Variants in CABIN1 observed in about 807,000 individuals in gnomAD.
CABIN1 encodes calcineurin-binding protein cabin-1.
A neutral mutation model predicts 227.7 loss-of-function variants in CABIN1; 133 were observed. The ratio of observed to expected loss-of-function variants is 0.58; its 90% CI spans 0.51 to 0.67. The LOEUF is 0.67. CABIN1 is among the 30% of genes least tolerant of loss of function. CABIN1 has a pLI of 0.00. For missense variants in CABIN1, 2,408 were observed against 2,852.5 expected, an observed-to-expected ratio of 0.84 and a Z score of 3.55; for synonymous variants, 1,086 against 1,155.1, an observed-to-expected ratio of 0.94 and a Z score of 1.21.
intron 12 of CABIN1, among the ~76,000 whole-genome samples, 191 bp from the exon 13 acceptor site, chr22:24,061,756 A>T (rs190902716): frequency 6.6e-6 from 1 of 152,354 alleles, no homozygotes; most frequent in African/African-American, 2.4e-5. Flanking sequence ...TTGTCCCAAC[A>T]TACATCCATG....
At chr22:24,093,686 G>A (rs913501878) in intron 24 of CABIN1, among the ~76,000 whole-genome samples, 7 of 151,880 alleles carry the variant, frequency 4.6e-5, no homozygotes, top group Admixed American at 1.3e-4. Context: ...AGAGACTAGC[G>A]GGCAACATGA....
chr22:24,083,135 T>C, intron 19 of CABIN1, 93 bp from the exon 20 acceptor site: 4 of 1,299,286 alleles, frequency 3.1e-6, no homozygotes, highest in South Asian at 2.4e-5. Flanking sequence ...GTTAAAAGAG[T>C]TGATAGAGTG....
chr22:24,012,487 A>G (rs1361165740), intron 1 of CABIN1, among the ~76,000 whole-genome samples: 1 of 152,176 alleles, frequency 6.6e-6, no homozygotes, highest in Non-Finnish European at 1.5e-5. Flanking sequence ...TCACACAGCC[A>G]GGGCACTGCC....
intron 19 of CABIN1, among the ~76,000 whole-genome samples, chr22:24,076,755 C>A (rs761034100): frequency 3.9e-5 from 6 of 152,142 alleles, no homozygotes; most frequent in Admixed American, 6.5e-5. Context: ...TTAGTGAGAG[C>A]ACATACACTT....
intron 1 of CABIN1, among the ~76,000 whole-genome samples, chr22:24,022,008 A>G (rs1428574727): frequency 2.0e-5 from 3 of 152,202 alleles, no homozygotes; most frequent in Non-Finnish European, 4.4e-5. Flanking sequence ...CTGTCATATC[A>G]TCAGTGTGAA....
chr22:24,060,553 G>A (rs991032960), intron 12 of CABIN1, among the ~76,000 whole-genome samples: 5 of 152,134 alleles, frequency 3.3e-5, no homozygotes, highest in Admixed American at 3.3e-4. Context: ...CTTGCCAGGA[G>A]AAGCTGGAGG....
At chr22:24,035,389 T>G in intron 1 of CABIN1, 55 bp from the exon 2 acceptor site, 2 of 1,264,286 alleles carry the variant, frequency 1.6e-6, no homozygotes, top group Non-Finnish European at 2.3e-6. Flanking sequence ...CTTGGCACTG[T>G]GACCTTCCTG....
intron 15 of CABIN1, among the ~76,000 whole-genome samples, chr22:24,064,523 T>G (rs1049514121): frequency 1.3e-4 from 20 of 149,970 alleles, no homozygotes; most frequent in Non-Finnish European, 2.4e-4. Flanking sequence ...TTTTTTTTTT[T>G]TTTTTTTTTT....
At chr22:24,018,040 A>C (rs558692403) in intron 1 of CABIN1, among the ~76,000 whole-genome samples, 1 of 152,036 alleles carries the variant, frequency 6.6e-6, no homozygotes, top group East Asian at 1.9e-4. Flanking sequence ...TTTTTTGTAG[A>C]GATGGAGTCT....
rs150318881 is a variant in CABIN1 at position 24,167,564 on chromosome 22, G to A, written c.5682+251G>A. ...GGGAGTCTGGACCGCTGCTCCCACC[G>A]CTGCGCTGGGCCTCTGGGTACATCT... On this transcript the variant is annotated intron_variant, in intron 32 of 36. Coordinates refer to ENST00000263119, the MANE Select transcript of CABIN1 (RefSeq NM_012295.4). Among the ~76,000 whole-genome samples the A allele has an allele frequency of 1.1e-3, 162 of 152,366 alleles. No individual in the cohort carries two copies. In the East Asian group the frequency reaches 0.02, roughly 19 times the overall value.
At chr22:24,052,963 T>G (rs1427716291) in intron 8 of CABIN1, among the ~76,000 whole-genome samples, 1 of 151,970 alleles carries the variant, frequency 6.6e-6, no homozygotes, top group Non-Finnish European at 1.5e-5. Context: ...TGTCTAAATG[T>G]AACACTAACT....
chr22:24,118,360 A>C (rs1266834556), intron 27 of CABIN1, among the ~76,000 whole-genome samples: 1 of 152,160 alleles, frequency 6.6e-6, no homozygotes, highest in Non-Finnish European at 1.5e-5. Flanking sequence ...ACCTGGCCAC[A>C]CACCTGATGT....
In CABIN1 at chr22:24,083,308, G is replaced by A; in HGVS notation, c.2829G>A (p.Leu943=). 1.9e-6 allele frequency: 3 copies of A among 1,613,732 alleles called. No individual in the cohort carries two copies. Among genetic ancestry groups the A allele is most frequent in the Non-Finnish European group, 2.5e-6 (3 of 1,180,014 alleles). Residue 943 remains leucine (L), a synonymous_variant, in exon 20 of 37, where the codon TTG becomes TTA. Coordinates refer to ENST00000263119, the MANE Select transcript of CABIN1 (RefSeq NM_012295.4). ...ACAAGGAGGAGCTGGAGACAGCCTT[G>A]GAGCAGTGCTTCTACTGCCTGTACA... is the stretch of plus-strand genomic sequence containing the variant. ...HPYKEELETA[L]EQCFYCLYSF...
intron 18 of CABIN1, among the ~76,000 whole-genome samples, chr22:24,073,079 C>G (rs117767102): frequency 1.0e-3 from 154 of 152,224 alleles, no homozygotes; most frequent in African/African-American, 3.6e-3. Flanking sequence ...ATGGTGGGTG[C>G]TGAGTGATGA....
At chr22:24,042,817 A>AGTGTGTGTGTGTGTGTGT (rs1601747692) in intron 5 of CABIN1, 87 bp from the exon 6 acceptor site, 1 of 576,756 alleles carries the variant, frequency 1.7e-6, no homozygotes, top group African/African-American at 5.5e-5. Flanking sequence ...GAGAGATCTG[A>AGTGTGTGTGTGTGTGTGT]CTGTGTGTGT....
rs373410946 is a variant in CABIN1, at chr22:24,055,101, G to A, written c.1035G>A (p.Val345=). 3 of 1,614,114 alleles carry A rather than the reference G, an allele frequency of 1.9e-6. No individual in the cohort carries two copies. The highest frequency in any genetic ancestry group is 4.5e-5 in the East Asian group (2 of 44,884). The part of the protein sequence containing the change: ...VAEPVVSYTS[V]ATTSFPLHSP... ...AGCCTGTGGTCTCCTACACCTCTGTGGCTACAACCAGCTTCCCACTGCACA... is the reference window on the plus strand; with the variant it reads ...AGCCTGTGGTCTCCTACACCTCTGTAGCTACAACCAGCTTCCCACTGCACA... The change falls in exon 9 of 37, where the codon GTG becomes GTA. Residue 345 remains valine, a synonymous_variant. Transcript: ENST00000263119.
In CABIN1 at chr22:24,083,097, A is replaced by G. The variant is rs1160023141; in HGVS notation, c.2749-131A>G. The G allele has an allele frequency of 1.9e-5, 17 of 875,680 alleles. No individual in the cohort carries two copies. The Admixed American group carries it at 3.1e-4, about 16-fold the overall frequency. 54.2% of individuals were successfully genotyped at this position (875,680 alleles called of 1,614,324 possible). On this transcript the variant is annotated intron_variant, in intron 19 of 36. Coordinates refer to ENST00000263119, the MANE Select transcript of CABIN1 (RefSeq NM_012295.4). The stretch of plus-strand genomic sequence containing the variant: ...AGGTGTTTTTGGAATCAAGTCATGC[A>G]GGAGCCCAACAGACATAGCCACCTC...
intron 29 of CABIN1, among the ~76,000 whole-genome samples, chr22:24,139,698 G>A (rs978884326): frequency 5.3e-5 from 8 of 152,262 alleles, no homozygotes; most frequent in South Asian, 2.1e-4. Flanking sequence ...AGTCTCCTTG[G>A]GTGGACACAT....
chr22:24,166,189 C>T (rs911858891), intron 31 of CABIN1, among the ~76,000 whole-genome samples: 30 of 152,168 alleles, frequency 2.0e-4, no homozygotes, highest in African/African-American at 7.2e-4. Context: ...GCCCCCAACC[C>T]CAGGCCTCGT....
Sources: allele counts gnomAD v4.1 joint callset (sites outside exome capture counted in the v4.1 genomes callset), GRCh38; gene constraint gnomAD v4.1.1; transcripts MANE v1.5; gene names NCBI Gene and HGNC (gene_info 2026-07-23, HGNC 2026-07-21).